CPSF3: variants seen among roughly 807,000 people sequenced by gnomAD.
CPSF3 encodes cleavage and polyadenylation specific factor 3.
Under a neutral mutation model 84.1 loss-of-function variants are expected in CPSF3, and 57 were observed. The ratio of observed to expected loss-of-function variants is 0.68; its 90% CI spans 0.55 to 0.85. The LOEUF (loss-of-function observed/expected upper bound fraction) is 0.85. Ranked by LOEUF, CPSF3 falls within the 40% of genes least tolerant of loss-of-function variation. The pLI, the probability that CPSF3 is intolerant of heterozygous loss-of-function variation, is 0.00. For missense variants in CPSF3, 522 were observed against 838.8 expected (o/e 0.62, Z 4.66); for synonymous variants, 275 against 278.1 (o/e 0.99, Z 0.11).
rs745668294 is a variant in CPSF3 at position 9,448,323 on chromosome 2, A to G, written c.1368A>G (p.Leu456=). 6.2e-7 allele frequency: 1 copy of G among 1,613,050 alleles called. No individual in the cohort carries two copies. Among genetic ancestry groups the G allele is most frequent in the East Asian group, 2.2e-5 (1 of 44,830 alleles). ...HNPRNTEAVT[L]NFRGEKLAKV... is the part of the protein sequence containing the mutation. ...CTCGGAATACAGAAGCAGTGACCTT[A>G]AACTTCAGAGGAGAAAAACTAGCCA... is the stretch of plus-strand genomic sequence containing the variant. The change falls in exon 11 of 18, where the codon TTA becomes TTG. Residue 456 remains leucine (L), a synonymous_variant. Transcript: ENST00000238112.
chr2:9,433,236 G>A (rs781168843), intron 5 of CPSF3, among the ~76,000 whole-genome samples: 4 of 152,170 alleles, frequency 2.6e-5, no homozygotes, highest in Non-Finnish European at 4.4e-5. Flanking sequence ...CTCACTTAGG[G>A]AGCTGCTGAA....
intron 6 of CPSF3, among the ~76,000 whole-genome samples, chr2:9,435,672 C>A (rs1434308050): frequency 6.6e-6 from 1 of 151,008 alleles, no homozygotes; most frequent in Admixed American, 6.6e-5. Context: ...CCGCCTCGGC[C>A]TTCCAAAATG....
At chr2:9,461,368 A>C (rs1318059884) in intron 15 of CPSF3, among the ~76,000 whole-genome samples, 3 of 152,182 alleles carry the variant, frequency 2.0e-5, no homozygotes, top group South Asian at 2.1e-4. Context: ...TGCAATTGTC[A>C]ATTTTCTCTT....
In CPSF3 at chr2:9,448,212, A is replaced by G. The variant is rs985389297; in HGVS notation, c.1257A>G (p.Gly419=). 1 of 1,602,728 alleles carries G rather than the reference A, an allele frequency of 6.2e-7. No homozygotes were observed. The highest frequency in any genetic ancestry group is 8.5e-7 in the Non-Finnish European group (1 of 1,172,020). The change falls in exon 11 of 18, where the codon GGA becomes GGG. Residue 419 remains glycine (G), a synonymous_variant. Transcript: ENST00000238112. ...LKPPHVILVH[G]EQNEMARLKA... Reference sequence around the variant, plus strand: ...ATTCTATGTAGATTTTAGTCCATGGAGAACAGAATGAAATGGCCAGATTGA... The same window carrying G: ...ATTCTATGTAGATTTTAGTCCATGGGGAACAGAATGAAATGGCCAGATTGA...
intron 11 of CPSF3, among the ~76,000 whole-genome samples, chr2:9,451,582 A>G (rs933226551): frequency 6.6e-6 from 1 of 152,192 alleles, no homozygotes; most frequent in Non-Finnish European, 1.5e-5. Flanking sequence ...TGGGCAACAT[A>G]GTGAAACTCC....
At chr2:9,436,499 C>T (rs965526271) in intron 7 of CPSF3, 138 bp downstream of exon 7, 18 of 912,276 alleles carry the variant, frequency 2.0e-5, no homozygotes, top group Admixed American at 6.4e-5. Context: ...TGGGGCCGGG[C>T]GCGGTGGCTC....
Position 9,470,676 on chromosome 2 carries a change from C to T in CPSF3, c.1857-667C>T, listed in dbSNP as rs551129463. Among the ~76,000 whole-genome samples the T allele has an allele frequency of 3.3e-5, 5 of 152,286 alleles. No homozygotes were observed. In the South Asian group the frequency reaches 1.0e-3, roughly 32 times the overall value. ...CTTGGGAGCCATTTAAACCTAGATA[C>T]CTGGATTTGAATGCCGGCTCAGCTG... On this transcript the variant is annotated intron_variant, in intron 16 of 17. Transcript: ENST00000238112.
At chr2:9,437,713 G>A (rs1049225111) in intron 7 of CPSF3, among the ~76,000 whole-genome samples, 1 of 152,196 alleles carries the variant, frequency 6.6e-6, no homozygotes, top group Non-Finnish European at 1.5e-5. Context: ...GTACTTTACA[G>A]CCAGGCATAG....
intron 14 of CPSF3, among the ~76,000 whole-genome samples, chr2:9,458,265 G>A (rs1460153697): frequency 2.0e-5 from 3 of 152,108 alleles, no homozygotes; most frequent in Non-Finnish European, 2.9e-5. Context: ...TTAGCCAGAC[G>A]TGGTGGCAGG....
At chr2:9,435,374 C>T (rs1249874173) in intron 6 of CPSF3, among the ~76,000 whole-genome samples, 1 of 151,484 alleles carries the variant, frequency 6.6e-6, no homozygotes, top group Admixed American at 6.6e-5. Context: ...GAAGAAGATA[C>T]AGTTTTGGAC....
At chr2:9,469,906 T>A (rs747057438) in intron 16 of CPSF3, among the ~76,000 whole-genome samples, 1 of 152,214 alleles carries the variant, frequency 6.6e-6, no homozygotes, top group Non-Finnish European at 1.5e-5. Context: ...TTGAATACAT[T>A]TCTGTGTTTA....
rs866444074 is a variant in CPSF3 at position 9,459,112 on chromosome 2, C to G, written c.1699-419C>G. On this transcript the variant is annotated intron_variant, in intron 14 of 17. Coordinates refer to ENST00000238112, the MANE Select transcript of CPSF3 (RefSeq NM_016207.4). ...GGGCAATGGGAGCAAAATTCCATCT[C>G]AAAAAAAAAAAAAATTACCCTCTTC... is the stretch of plus-strand genomic sequence containing the variant. 5.9e-5 allele frequency among the ~76,000 whole-genome samples: 8 copies of G among 135,660 alleles called. No homozygotes were observed. The South Asian group carries it at 7.0e-4, about 12-fold the overall frequency. The allele number at this position is 135,660 out of a possible 152,430, so 89.0% of individuals were successfully genotyped here.
intron 11 of CPSF3, among the ~76,000 whole-genome samples, chr2:9,448,791 G>A (rs1421363332): frequency 2.0e-5 from 3 of 152,026 alleles, no homozygotes; most frequent in Non-Finnish European, 4.4e-5. Context: ...TCTTGACCAC[G>A]TGATCCACCC....
intron 15 of CPSF3, among the ~76,000 whole-genome samples, chr2:9,466,342 G>GGCAGGCACA (rs56758438): frequency 0.086 from 7,653 of 88,932 alleles, 627 homozygotes; most frequent in African/African-American, 0.24. Flanking sequence ...ACGCACACAC[G>GGCAGGCACA]CGCGCGCGCG....
At chr2:9,459,719 A>G (rs7570618) in intron 15 of CPSF3, 101 bp downstream of exon 15, 299,154 of 563,126 alleles carry the variant, frequency 0.53, 86,342 homozygotes, top group Middle Eastern at 0.65. Context: ...GCACGATCTC[A>G]GCTCACTGCA....
intron 11 of CPSF3, among the ~76,000 whole-genome samples, chr2:9,449,929 A>G (rs1334705737): frequency 6.6e-6 from 1 of 152,146 alleles, no homozygotes; most frequent in Non-Finnish European, 1.5e-5. Context: ...TAAAAATTAC[A>G]TATATAATTT....
Position 9,457,587 on chromosome 2 carries a change from G to A in CPSF3, c.1698+560G>A, listed in dbSNP as rs150859234. Among the ~76,000 whole-genome samples, 567 of 152,146 alleles carry A rather than the reference G, an allele frequency of 3.7e-3. 3 individuals are homozygous for A. The highest frequency in any genetic ancestry group is 0.014 in the Middle Eastern group (4 of 294). ...AGACAGATACCAAAGGAATTACATG[G>A]TTGATTTTGATAGATTGGCACCTAT... On this transcript the variant is annotated intron_variant, in intron 14 of 17. Coordinates refer to ENST00000238112, the MANE Select transcript of CPSF3 (RefSeq NM_016207.4).
At chr2:9,460,909 A>G (rs143748111) in intron 15 of CPSF3, among the ~76,000 whole-genome samples, 4 of 152,304 alleles carry the variant, frequency 2.6e-5, no homozygotes, top group Non-Finnish European at 5.9e-5. Flanking sequence ...GGGAAGCCTC[A>G]GCCTTTACCC....
Position 9,459,638 on chromosome 2 carries a change from C to CAT in CPSF3, c.1786+20_1786+21insAT. The CAT allele has an allele frequency of 3.2e-6, 1 of 309,954 alleles. No homozygotes were observed. The highest frequency in any genetic ancestry group is 5.5e-6 in the Non-Finnish European group (1 of 181,564). 19.2% of individuals were successfully genotyped at this position (309,954 alleles called of 1,614,324 possible). On this transcript the variant is annotated intron_variant, in intron 15 of 17. Transcript: ENST00000238112. ...GAAAAGGTAAGAGTTCATTTTTATCCTTTTTTTTTTTTTTTTTTTTTTTTT... is the reference window on the plus strand; with the variant it reads ...GAAAAGGTAAGAGTTCATTTTTATCCATTTTTTTTTTTTTTTTTTTTTTTTTT...
Sources: allele counts gnomAD v4.1 joint callset (sites outside exome capture counted in the v4.1 genomes callset), GRCh38; gene constraint gnomAD v4.1.1; transcripts MANE v1.5; gene names NCBI Gene and HGNC (gene_info 2026-07-23, HGNC 2026-07-21).